Variants in PTPRO observed in about 807,000 individuals in gnomAD.
PTPRO encodes the protein receptor-type tyrosine-protein phosphatase O.
A neutral mutation model predicts 145.2 loss-of-function variants in PTPRO; 62 were observed. That is an observed-to-expected ratio of 0.43 (90% CI 0.35 to 0.53). PTPRO has a LOEUF of 0.53. PTPRO is among the 20% of genes least tolerant of loss of function. The pLI is 0.01. For missense variants in PTPRO, 1,345 were observed against 1,482.7 expected (o/e 0.91, Z 1.53); for synonymous variants, 565 against 514.7 (o/e 1.10, Z -1.32).
intron 1 of PTPRO, among the ~76,000 whole-genome samples, chr12:15,365,388 C>T (rs991533003): frequency 2.6e-5 from 4 of 151,856 alleles, no homozygotes; most frequent in Non-Finnish European, 4.4e-5. Context: ...TGTTTAGGTC[C>T]TTTGGGGGAA....
intron 1 of PTPRO, among the ~76,000 whole-genome samples, chr12:15,450,705 T>C (rs980835): frequency 0.91 from 138,597 of 152,014 alleles, 64,349 homozygotes; most frequent in East Asian, 1. Context: ...CCTGAGAGGT[T>C]AAGGCCATAG....
chr12:15,491,383 C>T (rs1250786253), intron 2 of PTPRO, among the ~76,000 whole-genome samples: 2 of 152,172 alleles, frequency 1.3e-5, no homozygotes, highest in Non-Finnish European at 2.9e-5. Flanking sequence ...TACATAGCTA[C>T]TTTTGTTTTC....
chr12:15,540,609 T>C (rs991200624), intron 12 of PTPRO, among the ~76,000 whole-genome samples: 1 of 152,230 alleles, frequency 6.6e-6, no homozygotes, highest in African/African-American at 2.4e-5. Flanking sequence ...CAGAGAAAGA[T>C]GGGTTTTAGA....
At chr12:15,402,211 A>C (rs1228365175) in intron 1 of PTPRO, among the ~76,000 whole-genome samples, 1 of 152,094 alleles carries the variant, frequency 6.6e-6, no homozygotes, top group Non-Finnish European at 1.5e-5. Context: ...AACATGGTGA[A>C]ACCTCATCTC....
intron 1 of PTPRO, among the ~76,000 whole-genome samples, chr12:15,461,881 A>G (rs1238420698): frequency 1.3e-5 from 2 of 151,912 alleles, no homozygotes; most frequent in African/African-American, 4.8e-5. Context: ...CAGCATTTTA[A>G]CTAGTCTCCT....
At chr12:15,384,055 A>G (rs899118370) in intron 1 of PTPRO, among the ~76,000 whole-genome samples, 1 of 152,118 alleles carries the variant, frequency 6.6e-6, no homozygotes, top group Admixed American at 6.5e-5. Context: ...CTATTTTAAT[A>G]TTAATGCTAG....
intron 12 of PTPRO, among the ~76,000 whole-genome samples, chr12:15,530,485 A>G (rs1942938697): frequency 6.6e-6 from 1 of 152,190 alleles, no homozygotes; most frequent in Non-Finnish European, 1.5e-5. Flanking sequence ...GACACAAAAC[A>G]GGTCTCAACA....
intron 12 of PTPRO, among the ~76,000 whole-genome samples, chr12:15,530,609 A>C (rs916101295): frequency 3.9e-5 from 6 of 152,192 alleles, no homozygotes; most frequent in African/African-American, 1.4e-4. Context: ...AAATTGAACA[A>C]CATGTTCCTG....
intron 1 of PTPRO, among the ~76,000 whole-genome samples, chr12:15,422,351 A>C (rs1940169876): frequency 6.6e-6 from 1 of 152,176 alleles, no homozygotes; most frequent in Non-Finnish European, 1.5e-5. Context: ...CCACTACATA[A>C]ATATTAAAAT....
chr12:15,550,134 C>T (rs1190706897), intron 14 of PTPRO, among the ~76,000 whole-genome samples: 2 of 152,186 alleles, frequency 1.3e-5, no homozygotes, highest in African/African-American at 4.8e-5. Flanking sequence ...CTTAACTACT[C>T]ATAGGCTACT....
chr12:15,359,174 C>A (rs1013107566), intron 1 of PTPRO, among the ~76,000 whole-genome samples: 6 of 152,166 alleles, frequency 3.9e-5, no homozygotes, highest in African/African-American at 1.4e-4. Flanking sequence ...AAGAGTACCT[C>A]ACTTTGTAGA....
At chr12:15,438,043 G>A (rs1474521972) in intron 1 of PTPRO, among the ~76,000 whole-genome samples, 1 of 152,130 alleles carries the variant, frequency 6.6e-6, no homozygotes, top group Non-Finnish European at 1.5e-5. Context: ...AGGCTTGTAG[G>A]ACAAACTTCA....
At chr12:15,444,839 A>G (rs561476898) in intron 1 of PTPRO, among the ~76,000 whole-genome samples, 1 of 152,100 alleles carries the variant, frequency 6.6e-6, no homozygotes, top group African/African-American at 2.4e-5. Flanking sequence ...TATCTAGTCC[A>G]TGTTTTTTTT....
At chr12:15,546,751 A>T in intron 13 of PTPRO, 43 bp downstream of exon 13, 1 of 1,609,308 alleles carries the variant, frequency 6.2e-7, no homozygotes, top group Non-Finnish European at 8.5e-7. Flanking sequence ...TAACTTAAGT[A>T]AGGCTAATTA....
intron 1 of PTPRO, among the ~76,000 whole-genome samples, chr12:15,397,363 T>A (rs1307036287): frequency 6.6e-6 from 1 of 152,202 alleles, no homozygotes; most frequent in Non-Finnish European, 1.5e-5. Flanking sequence ...AAGATTAATA[T>A]CATTAACTCA....
chr12:15,493,819 A>G (rs1942048492), intron 2 of PTPRO, among the ~76,000 whole-genome samples: 1 of 152,186 alleles, frequency 6.6e-6, no homozygotes, highest in Admixed American at 6.5e-5. Context: ...GACATGCCGC[A>G]AACATTTATT....
chr12:15,364,907 C>A (rs1286698535), intron 1 of PTPRO, among the ~76,000 whole-genome samples: 2 of 152,128 alleles, frequency 1.3e-5, no homozygotes, highest in African/African-American at 2.4e-5. Context: ...AATATCAGTT[C>A]ATTACAGTCA....
rs192904274 is a variant in PTPRO, at chr12:15,335,108, T to C, written c.75+12307T>C. ...TATTGTGCTGATAACTAAAGTGTAA[T>C]TATAAAAATTGAAGTGTTGTTACTG... On this transcript the variant is annotated intron_variant, in intron 1 of 26. Coordinates refer to ENST00000281171, the MANE Select transcript of PTPRO (RefSeq NM_030667.3). Among the ~76,000 whole-genome samples, 11 of 152,226 alleles carry C rather than the reference T, an allele frequency of 7.2e-5. No individual in the cohort carries two copies. The East Asian group carries it at 1.7e-3, about 24-fold the overall frequency.
At position 15,589,546 on chromosome 12, in the gene PTPRO, G is replaced by A; in HGVS notation, c.3502G>A (p.Val1168Met). 6.2e-7 allele frequency: 1 copy of A among 1,614,112 alleles called. No individual in the cohort carries two copies. The highest frequency in any genetic ancestry group is 1.1e-5 in the South Asian group (1 of 91,078). ...DHEFVDILGL[V>M]SEMRSYRMSM... ...TGAGTTTGTTGACATCTTAGGGCTG[G>A]TGTCAGAAATGAGGTCATACCGGAT... The change falls in exon 25 of 27, where the codon GTG becomes ATG. Residue 1168 changes from valine (V) to methionine (M), a missense_variant. Val to Met is a conservative substitution (Grantham distance 21). This residue lies in a region of PTPRO where 208 missense variants were observed against 242.8 expected (regional missense o/e 0.86). Transcript: ENST00000281171.
Sources: allele counts gnomAD v4.1 joint callset (sites outside exome capture counted in the v4.1 genomes callset), GRCh38; gene constraint gnomAD v4.1.1; regional missense constraint gnomAD v4.1.1; transcripts MANE v1.5; gene names NCBI Gene and HGNC (gene_info 2026-07-23, HGNC 2026-07-21).